The following KCNG2 variants were observed in gnomAD, a reference collection of about 807,000 sequenced individuals.
KCNG2 encodes the protein voltage-gated potassium channel regulatory subunit KCNG2.
Under a neutral mutation model 12.3 loss-of-function variants are expected in KCNG2, and 7 were observed. The observed-to-expected ratio is 0.57, with a 90% CI of 0.32 to 1.07. The LOEUF is 1.07. KCNG2 is among the 50% of genes least tolerant of loss of function. The pLI is 0.04. For missense variants in KCNG2, 703 were observed against 726.0 expected (o/e 0.97, Z 0.36); for synonymous variants, 414 against 351.4 (o/e 1.18, Z -1.99).
At chr18:79,896,188 A>G (rs1469956187) in intron 3 of KCNG2, among the ~76,000 whole-genome samples, 1 of 151,432 alleles carries the variant, frequency 6.6e-6, no homozygotes, top group Non-Finnish European at 1.5e-5. Flanking sequence ...CTGGTGTAGA[A>G]CCCCTGACCT....
chr18:79,860,354 A>AG (rs1979167223), intron 2 of KCNG2, among the ~76,000 whole-genome samples: 1 of 152,220 alleles, frequency 6.6e-6, no homozygotes, highest in South Asian at 2.1e-4. Flanking sequence ...GACTCTGTTG[A>AG]TCAATTTAGG....
intron 3 of KCNG2, among the ~76,000 whole-genome samples, chr18:79,873,530 G>A (rs777048688): frequency 3.9e-5 from 6 of 151,992 alleles, no homozygotes; most frequent in Non-Finnish European, 8.8e-5. Context: ...GCAGCTGTGA[G>A]GGGCGTCGGG....
At chr18:79,842,118 A>C (rs554441274) in intron 1 of KCNG2, among the ~76,000 whole-genome samples, 52 of 152,216 alleles carry the variant, frequency 3.4e-4, no homozygotes, top group African/African-American at 1.1e-3. Context: ...TCGCAGCCAC[A>C]TGCTCCAGGC....
chr18:79,897,224 A>G (rs1156946702), intron 3 of KCNG2, among the ~76,000 whole-genome samples: 5 of 152,078 alleles, frequency 3.3e-5, no homozygotes, highest in Admixed American at 2.0e-4. Context: ...GGTGCATATA[A>G]CGGTGTCCCA....
intron 3 of KCNG2, among the ~76,000 whole-genome samples, chr18:79,883,839 A>G (rs748308760): frequency 7.9e-5 from 12 of 152,160 alleles, no homozygotes; most frequent in East Asian, 7.7e-4. Context: ...GTGATAGTGG[A>G]TGATGCCGTT....
intron 3 of KCNG2, among the ~76,000 whole-genome samples, chr18:79,883,202 G>A (rs980033304): frequency 6.8e-6 from 1 of 147,928 alleles, no homozygotes. Flanking sequence ...CTGCGATCCC[G>A]TCTATGGGAT....
intron 1 of KCNG2, among the ~76,000 whole-genome samples, chr18:79,853,543 T>C (rs1978899294): frequency 6.6e-6 from 1 of 151,878 alleles, no homozygotes; most frequent in Admixed American, 6.6e-5. Context: ...TGGTGTGCAG[T>C]GTTAGGAGGC....
Position 79,892,076 on chromosome 18 carries a change from C to G in KCNG2, c.625-6964C>G, listed in dbSNP as rs562228720. On this transcript the variant is annotated intron_variant, in intron 3 of 3. Transcript: ENST00000316249. ...GTTGCAGTGAGTCGAGATCGCAACACTGCACTCCAGCCTGGATGACAGAGC... is the reference window on the plus strand; with the variant it reads ...GTTGCAGTGAGTCGAGATCGCAACAGTGCACTCCAGCCTGGATGACAGAGC... Among the ~76,000 whole-genome samples, 8 of 149,280 alleles carry G rather than the reference C, an allele frequency of 5.4e-5. 1 individual carries two copies. The South Asian group carries it at 1.7e-3, about 32-fold the overall frequency.
chr18:79,810,024 C>T lies in KCNG2; in HGVS notation c.-115+12010C>T, dbSNP rs543700700. On this transcript the variant is annotated intron_variant, in intron 1 of 3. Transcript: ENST00000316249. ...CGTCCACAGGGCCAGCCTCGCGGAG[C>T]CGCCCGCCCATTGCGCTGGGCCTGG... Among the ~76,000 whole-genome samples the T allele has an allele frequency of 9.1e-4, 138 of 152,338 alleles. 5 individuals are homozygous for T. The South Asian group carries it at 0.028, about 31-fold the overall frequency.
At chr18:79,863,059 G>C (rs910459854) in intron 2 of KCNG2, among the ~76,000 whole-genome samples, 25 of 152,200 alleles carry the variant, frequency 1.6e-4, no homozygotes, top group Admixed American at 7.2e-4. Context: ...GTTGACTCTT[G>C]ACAGTTTTCA....
At chr18:79,877,484 G>A (rs1980120530) in intron 3 of KCNG2, among the ~76,000 whole-genome samples, 2 of 152,144 alleles carry the variant, frequency 1.3e-5, no homozygotes, top group Non-Finnish European at 2.9e-5. Flanking sequence ...CAGGAAAATC[G>A]CGAGCTGCGG....
chr18:79,826,168 G>C lies in KCNG2; in HGVS notation c.-115+28154G>C, dbSNP rs1432902881. Among the ~76,000 whole-genome samples, 33 of 152,322 alleles carry C rather than the reference G, an allele frequency of 2.2e-4. 1 individual carries two copies. In the East Asian group the frequency reaches 6.2e-3, roughly 29 times the overall value. On this transcript the variant is annotated intron_variant, in intron 1 of 3. Transcript: ENST00000316249. ...TGGCCGTTGGCAAGGCCAGGAACCC[G>C]GGTAGTCGAGCTGAAACTGTGATCT...
chr18:79,880,346 C>T (rs1355808973), intron 3 of KCNG2, among the ~76,000 whole-genome samples: 3 of 145,708 alleles, frequency 2.1e-5, no homozygotes, highest in Non-Finnish European at 4.5e-5. Flanking sequence ...ATTACATGTA[C>T]AATTACTTTG....
intron 1 of KCNG2, among the ~76,000 whole-genome samples, chr18:79,827,490 C>T (rs1196429403): frequency 1.3e-5 from 2 of 152,210 alleles, no homozygotes; most frequent in Non-Finnish European, 2.9e-5. Context: ...AGCACAGCGG[C>T]TCTCAAACTT....
rs147610877 is a variant in KCNG2 at position 79,812,999 on chromosome 18, T to C, written c.-115+14985T>C. ...GGTGAAACCTCATCTCTCCTAAAAATACAAAATTAGCCGAGTGTGGTGGCG... is the reference window on the plus strand; with the variant it reads ...GGTGAAACCTCATCTCTCCTAAAAACACAAAATTAGCCGAGTGTGGTGGCG... On this transcript the variant is annotated intron_variant, in intron 1 of 3. Coordinates refer to ENST00000316249, the MANE Select transcript of KCNG2 (RefSeq NM_012283.2). 8.6e-5 allele frequency among the ~76,000 whole-genome samples: 13 copies of C among 150,600 alleles called. No homozygotes were observed. The East Asian group carries it at 2.2e-3, about 25-fold the overall frequency.
At chr18:79,808,110 G>C (rs1424700085) in intron 1 of KCNG2, among the ~76,000 whole-genome samples, 1 of 119,964 alleles carries the variant, frequency 8.3e-6, no homozygotes, top group Non-Finnish European at 1.7e-5. Context: ...CACGTTATGG[G>C]CCCAGAGTCC....
chr18:79,896,605 T>C (rs1183647675), intron 3 of KCNG2, among the ~76,000 whole-genome samples: 2 of 152,266 alleles, frequency 1.3e-5, no homozygotes, highest in Non-Finnish European at 2.9e-5. Context: ...CTTATTTTTA[T>C]ACAGTTGCTG....
chr18:79,830,724 AGACAGAGCC>A (rs1978293333), intron 1 of KCNG2, among the ~76,000 whole-genome samples: 1 of 90,592 alleles, frequency 1.1e-5, no homozygotes, highest in African/African-American at 4.4e-5. Flanking sequence ...GGTTCCCTGC[AGACAGAGCC>A]TTCGTCAGGA....
chr18:79,888,373 C>A (rs536633843), intron 3 of KCNG2, among the ~76,000 whole-genome samples: 13 of 151,630 alleles, frequency 8.6e-5, no homozygotes, highest in African/African-American at 3.2e-4. Flanking sequence ...CAGCAGCATC[C>A]TCCTCATGAG....
Sources: gnomAD v4.1 joint callset for allele counts (sites outside exome capture counted in the v4.1 genomes callset) on GRCh38, gnomAD v4.1.1 for gene constraint, MANE v1.5 for transcripts, NCBI Gene and HGNC (gene_info 2026-07-23, HGNC 2026-07-21) for gene names.